The following ATOSA variants were observed in gnomAD, a reference collection of about 807,000 sequenced individuals.
ATOSA encodes the protein atos homolog A.
the ATOSA span, among the ~76,000 whole-genome samples, chr15:52,686,191 AT>A: frequency 2.0e-5 from 3 of 152,338 alleles, no homozygotes; most frequent in Admixed American, 1.3e-4. Flanking sequence ...GATACTGTTT[AT>A]TATAAATGAA....
the ATOSA span, among the ~76,000 whole-genome samples, chr15:52,694,920 G>A: frequency 7.7e-6 from 1 of 130,440 alleles, no homozygotes; most frequent in Non-Finnish European, 1.7e-5. Flanking sequence ...TTTTTTTTCT[G>A]TTTTTTTTTG....
At chr15:52,597,615 AG>A in the ATOSA span, among the ~76,000 whole-genome samples, 1 of 152,234 alleles carries the variant, frequency 6.6e-6, no homozygotes, top group Non-Finnish European at 1.5e-5. Context: ...TCCCTCATAT[AG>A]GAAAAATAAC....
chr15:52,671,361 T>C, the ATOSA span, among the ~76,000 whole-genome samples: 1 of 152,190 alleles, frequency 6.6e-6, no homozygotes. Flanking sequence ...CTGGTATCAG[T>C]AAAACAATCA....
the ATOSA span, chr15:52,652,161 T>C: frequency 4.2e-6 from 4 of 957,334 alleles, no homozygotes; most frequent in East Asian, 3.1e-5. Context: ...TCCTGTCTAC[T>C]TGGCAGCACT....
the ATOSA span, among the ~76,000 whole-genome samples, chr15:52,616,608 C>A: frequency 6.6e-6 from 1 of 152,088 alleles, no homozygotes; most frequent in Admixed American, 6.5e-5. Flanking sequence ...TGTTCCCCAA[C>A]CCCAACAAAG....
chr15:52,591,087 A>G, the ATOSA span, among the ~76,000 whole-genome samples: 2 of 152,230 alleles, frequency 1.3e-5, no homozygotes, highest in Non-Finnish European at 2.9e-5. Context: ...TTTTAAAAGC[A>G]TAGTTCAAGT....
chr15:52,638,324 C>A, the ATOSA span, among the ~76,000 whole-genome samples: 1 of 152,170 alleles, frequency 6.6e-6, no homozygotes, highest in Non-Finnish European at 1.5e-5. Flanking sequence ...CGCTTACCTT[C>A]TATAACATGC....
chr15:52,583,614 G>A, the ATOSA span, among the ~76,000 whole-genome samples: 1 of 152,164 alleles, frequency 6.6e-6, no homozygotes, highest in Non-Finnish European at 1.5e-5. Context: ...TTGAGCTCCT[G>A]ACCTCAGGTG....
At chr15:52,611,372 T>C in the ATOSA span, 6 of 1,341,496 alleles carry the variant, frequency 4.5e-6, no homozygotes, top group African/African-American at 1.5e-5. Flanking sequence ...TTGAAGAGCA[T>C]AGGAATACAC....
the ATOSA span, among the ~76,000 whole-genome samples, chr15:52,654,884 G>C: frequency 2.0e-5 from 3 of 151,820 alleles, no homozygotes; most frequent in African/African-American, 7.3e-5. Flanking sequence ...CCCCTCAAAG[G>C]TAATGTTCAA....
the ATOSA span, chr15:52,608,847 C>T: frequency 3.1e-6 from 5 of 1,608,612 alleles, no homozygotes; most frequent in Non-Finnish European, 4.2e-6. Context: ...ACATTTCCAA[C>T]ACAGTAACTT....
chr15:52,645,796 A>C, the ATOSA span, among the ~76,000 whole-genome samples: 196 of 152,340 alleles, frequency 1.3e-3, 1 homozygote, highest in South Asian at 0.013. Context: ...ATATGGTGTT[A>C]TCACTCCACA....
the ATOSA span, among the ~76,000 whole-genome samples, chr15:52,627,294 T>A: frequency 6.6e-6 from 1 of 152,132 alleles, no homozygotes; most frequent in Non-Finnish European, 1.5e-5. Flanking sequence ...AAACTGAAAA[T>A]CTGCCAACTT....
At chr15:52,594,886 A>G in the ATOSA span, among the ~76,000 whole-genome samples, 1 of 152,152 alleles carries the variant, frequency 6.6e-6, no homozygotes, top group South Asian at 2.1e-4. Context: ...CTACCACTTA[A>G]AAACTTTGTT....
At chr15:52,646,312 A>G in the ATOSA span, among the ~76,000 whole-genome samples, 1 of 152,164 alleles carries the variant, frequency 6.6e-6, no homozygotes, top group Non-Finnish European at 1.5e-5. Flanking sequence ...ACAAAGATAG[A>G]ACTGGGTGAC....
the ATOSA span, among the ~76,000 whole-genome samples, chr15:52,660,448 GC>G: frequency 6.6e-6 from 1 of 152,132 alleles, no homozygotes; most frequent in Non-Finnish European, 1.5e-5. Flanking sequence ...CACAGCTGGT[GC>G]CTTCTCATCC....
the ATOSA span, chr15:52,605,121 A>G: frequency 6.3e-7 from 1 of 1,581,658 alleles, no homozygotes; most frequent in Non-Finnish European, 8.6e-7. Flanking sequence ...AGATAAGAAA[A>G]AAAATGCTTA....
the ATOSA span, among the ~76,000 whole-genome samples, chr15:52,677,184 A>G: frequency 6.6e-6 from 1 of 152,224 alleles, no homozygotes. Flanking sequence ...AACATTTCCA[A>G]TCCTAAAGAC....
the ATOSA span, chr15:52,609,612 A>C: frequency 2.5e-6 from 4 of 1,612,858 alleles, no homozygotes; most frequent in African/African-American, 5.3e-5. Flanking sequence ...CTGGGGAACT[A>C]AACTCTGGAC....
Sources: allele counts gnomAD v4.1 joint callset (sites outside exome capture counted in the v4.1 genomes callset), GRCh38; gene constraint gnomAD v4.1.1; transcripts MANE v1.5; gene names NCBI Gene and HGNC (gene_info 2026-07-23, HGNC 2026-07-21).